Variants in VPS13C observed in about 807,000 individuals in gnomAD.
VPS13C encodes intermembrane lipid transfer protein VPS13C.
A neutral mutation model predicts 456.8 loss-of-function variants in VPS13C; 358 were observed. The ratio of observed to expected loss-of-function variants is 0.78; its 90% CI spans 0.72 to 0.86. VPS13C has a LOEUF of 0.86. Among genes scored for constraint, VPS13C ranks in the 40% least tolerant of loss-of-function variants. The pLI is 0.00. For missense variants in VPS13C, 4,818 were observed against 4,385.4 expected, an observed-to-expected ratio of 1.10 and a Z score of -2.79; for synonymous variants, 1,578 against 1,486.7, an observed-to-expected ratio of 1.06 and a Z score of -1.41.
chr15:62,057,206 A>G (rs1488835901), intron 1 of VPS13C, among the ~76,000 whole-genome samples: 1 of 152,218 alleles, frequency 6.6e-6, no homozygotes, highest in South Asian at 2.1e-4. Context: ...ATTCAACAAC[A>G]ACAACAAAAA....
At chr15:62,031,020 T>C in intron 5 of VPS13C, among the ~76,000 whole-genome samples, 1 of 152,122 alleles carries the variant, frequency 6.6e-6, no homozygotes, top group East Asian at 1.9e-4. Flanking sequence ...TTAATCTTTC[T>C]CTTTATGATA....
chr15:61,863,519 T>C lies in VPS13C; in HGVS notation c.10873A>G (p.Lys3625Glu), dbSNP rs142791676. Residue 3625 changes from lysine to glutamate, a missense_variant, in exon 82 of 85, where the codon AAA (lysine) becomes GAA (glutamate). By Grantham distance (56) the Lys-to-Glu change is moderately conservative (BLOSUM62 1). Transcript: ENST00000644861. ...CGGTAAGTCTCTCCTTCCAACTTTT[T>C]GATATGATTCTGAAAAGGAAACCAG... is the stretch of plus-strand genomic sequence containing the variant. ...EGSDLLENHIKKLEGETYRYH... is the reference protein window; with the variant it reads ...EGSDLLENHIEKLEGETYRYH... 1.2e-6 allele frequency: 2 copies of C among 1,612,470 alleles called. No individual in the cohort carries two copies. The highest frequency in any genetic ancestry group is 2.7e-5 in the African/African-American group (2 of 74,856).
chr15:61,915,775 A>G lies in VPS13C; in HGVS notation c.8303T>C (p.Val2768Ala). 2 of 1,614,172 alleles carry G rather than the reference A, an allele frequency of 1.2e-6. No homozygotes were observed. Among genetic ancestry groups the G allele is most frequent in the Non-Finnish European group, 1.7e-6 (2 of 1,180,040 alleles). Residue 2768 changes from valine (V) to alanine (A), a missense_variant, in exon 61 of 85, where the codon GTC (valine) becomes GCC (alanine). Physicochemically the swap from Val to Ala is moderately conservative, Grantham distance 64 (BLOSUM62 0). Coordinates refer to ENST00000644861, the MANE Select transcript of VPS13C (RefSeq NM_020821.3). The part of the protein sequence containing the change: ...RRIGSRMVLS[V>A]FSPYWLINKT... ...GTTGATTAACCAATAGGGACTAAAG[A>G]CAGACAGCACCATCCGGCTGCCAAT...
intron 67 of VPS13C, among the ~76,000 whole-genome samples, chr15:61,887,406 C>G (rs528802917): frequency 6.6e-6 from 1 of 152,136 alleles, no homozygotes; most frequent in East Asian, 1.9e-4. Flanking sequence ...ACCTGGACAT[C>G]CATATGCAAT....
intron 55 of VPS13C, 38 bp downstream of exon 55, chr15:61,921,909 G>T: frequency 1.3e-6 from 2 of 1,569,594 alleles, no homozygotes; most frequent in Non-Finnish European, 8.8e-7. Context: ...AATATGCATA[G>T]TATCATTCTA....
intron 45 of VPS13C, 51 bp from the exon 46 acceptor site, chr15:61,942,118 G>GA: frequency 6.8e-7 from 1 of 1,460,502 alleles, no homozygotes; most frequent in Non-Finnish European, 9.2e-7. Context: ...ATTTTTAAAA[G>GA]AAAAAACTTT....
intron 15 of VPS13C, 69 bp downstream of exon 15, chr15:62,007,239 T>A: frequency 7.0e-6 from 8 of 1,145,932 alleles, no homozygotes; most frequent in Non-Finnish European, 9.2e-6. Flanking sequence ...TTGATTCAAA[T>A]TACATGCAGA....
chr15:61,903,812 C>A (rs901771981), intron 66 of VPS13C, among the ~76,000 whole-genome samples: 1 of 152,042 alleles, frequency 6.6e-6, no homozygotes, highest in Non-Finnish European at 1.5e-5. Context: ...AATAGAGAAC[C>A]CGGAAATAAA....
intron 9 of VPS13C, among the ~76,000 whole-genome samples, chr15:62,017,148 T>TA (rs1334042472): frequency 6.6e-6 from 1 of 152,186 alleles, no homozygotes; most frequent in Non-Finnish European, 1.5e-5. Context: ...TTTTTTCTTC[T>TA]AAATTTGTTT....
At chr15:61,864,829 AG>A in intron 81 of VPS13C, 3 of 982,430 alleles carry the variant, frequency 3.1e-6, no homozygotes, top group Non-Finnish European at 3.6e-6. Flanking sequence ...TTCTTCAAAG[AG>A]AAAATGGGAA....
chr15:61,921,370 A>G (rs1166396121), intron 55 of VPS13C, among the ~76,000 whole-genome samples: 3 of 152,090 alleles, frequency 2.0e-5, no homozygotes, highest in Non-Finnish European at 4.4e-5. Context: ...TAATCAAGAA[A>G]AATGTGCTTC....
chr15:61,997,258 C>T (rs926819352), intron 16 of VPS13C, among the ~76,000 whole-genome samples: 2 of 152,114 alleles, frequency 1.3e-5, no homozygotes, highest in Non-Finnish European at 2.9e-5. Flanking sequence ...CATACAGCTT[C>T]CCTATTACAA....
At position 61,917,421 on chromosome 15, in the gene VPS13C, C is replaced by T. The variant is rs1280849601; in HGVS notation, c.7975G>A (p.Asp2659Asn). The T allele has an allele frequency of 1.2e-6, 2 of 1,613,832 alleles. No individual in the cohort carries two copies. The highest frequency in any genetic ancestry group is 1.1e-5 in the South Asian group (1 of 91,068). The change falls in exon 60 of 85, where the codon GAT becomes AAT. Residue 2659 changes from aspartate to asparagine, a missense_variant. This residue lies in a region of VPS13C where 4,552 missense variants were observed against 4,130.6 expected (regional missense o/e 1.10). Coordinates refer to ENST00000644861, the MANE Select transcript of VPS13C (RefSeq NM_020821.3). ...TAAAGATGAATAATGTAAGCTACAT[C>T]CCAGTCTTCCCCATGTGTACATATG... Reference protein sequence around the residue: ...SYICTHGEDWDVAYIIHLYPS... With the variant: ...SYICTHGEDWNVAYIIHLYPS...
intron 66 of VPS13C, among the ~76,000 whole-genome samples, chr15:61,901,492 C>T (rs2042994174): frequency 6.6e-6 from 1 of 152,044 alleles, no homozygotes; most frequent in African/African-American, 2.4e-5. Flanking sequence ...ATTTATGCAG[C>T]CAAAAAACAC....
intron 82 of VPS13C, among the ~76,000 whole-genome samples, chr15:61,861,211 C>T (rs1405247797): frequency 6.6e-6 from 1 of 152,020 alleles, no homozygotes. Context: ...GATCCGCCCG[C>T]CTCGGCCTCT....
At chr15:62,018,473 T>A (rs1239628529) in intron 9 of VPS13C, among the ~76,000 whole-genome samples, 1 of 151,818 alleles carries the variant, frequency 6.6e-6, no homozygotes, top group Non-Finnish European at 1.5e-5. Context: ...CAATACCTAA[T>A]CTATTGAGAG....
At position 61,872,052 on chromosome 15, in the gene VPS13C, CAT is replaced by C. The variant is rs1566959681; in HGVS notation, c.10579-20_10579-19del. On this transcript the variant is annotated intron_variant, in intron 78 of 84. Coordinates refer to ENST00000644861, the MANE Select transcript of VPS13C (RefSeq NM_020821.3). ...ACAACTCCCTGAAAGAGAAATCAAT[CAT>C]ATAGTTTAGACTGAATGGAAGGTGT... 1.2e-6 allele frequency: 2 copies of C among 1,611,120 alleles called. No homozygotes were observed. The highest frequency in any genetic ancestry group is 3.3e-5 in the Admixed American group (2 of 59,880).
chr15:62,012,901 A>C, intron 11 of VPS13C, 138 bp downstream of exon 11: 1 of 517,406 alleles, frequency 1.9e-6, no homozygotes, highest in South Asian at 4.2e-5. Context: ...ATTTGAAAGG[A>C]TGTTTTTCAT....
chr15:61,917,429 TC>T lies in VPS13C; in HGVS notation c.7966del (p.Glu2656LysfsTer5), dbSNP rs1467172225. The T allele has an allele frequency of 6.2e-7, 1 of 1,613,962 alleles. No homozygotes were observed. The highest frequency in any genetic ancestry group is 8.5e-7 in the Non-Finnish European group (1 of 1,179,898). ...AATAATGTAAGCTACATCCCAGTCTTCCCCATGTGTACATATGTAGCTCAAT... is the reference window on the plus strand; with the variant it reads ...AATAATGTAAGCTACATCCCAGTCTTCCCATGTGTACATATGTAGCTCAAT... Reference protein sequence around the residue: ...DELSYICTHGEDWDVAYIIHL... With the variant: ...DELSYICTHGXDWDVAYIIHL... On this transcript the variant is annotated frameshift_variant, in exon 60 of 85. Transcript: ENST00000644861. LOFTEE classifies it high-confidence loss of function.
Sources: gnomAD v4.1 joint callset for allele counts (sites outside exome capture counted in the v4.1 genomes callset) on GRCh38, gnomAD v4.1.1 for gene constraint, gnomAD v4.1.1 regional missense constraint, MANE v1.5 for transcripts, NCBI Gene and HGNC (gene_info 2026-07-23, HGNC 2026-07-21) for gene names.